The following LRIG1 variants were observed in gnomAD, a reference collection of about 807,000 sequenced individuals.
The protein encoded by LRIG1 is leucine-rich repeats and immunoglobulin-like domains protein 1.
A neutral mutation model predicts 99.2 loss-of-function variants in LRIG1; 48 were observed. The ratio of observed to expected loss-of-function variants is 0.48; its 90% confidence interval spans 0.38 to 0.62. LRIG1 has a LOEUF of 0.62. Among genes scored for constraint, LRIG1 ranks in the 20% least tolerant of loss-of-function variants. The pLI is 0.00. For synonymous variants in LRIG1, 772 were observed against 596.1 expected (o/e 1.29, Z -4.30); for missense variants, 1,646 against 1,434.4 (o/e 1.15, Z -2.38).
At chr3:66,426,553 T>C (rs895965189) in intron 3 of LRIG1, among the ~76,000 whole-genome samples, 5 of 152,210 alleles carry the variant, frequency 3.3e-5, no homozygotes, top group African/African-American at 1.2e-4. Flanking sequence ...AACTTTCCCA[T>C]TGTCCCTCCA....
At chr3:66,388,050 T>A (rs1265811547) in intron 12 of LRIG1, 1 of 126,606 alleles carries the variant, frequency 7.9e-6, no homozygotes, top group African/African-American at 3.1e-5. Context: ...GAGCTTGCAG[T>A]GAGCCAAGAT....
chr3:66,421,231 C>T (rs1452878780), intron 3 of LRIG1, among the ~76,000 whole-genome samples: 1 of 152,194 alleles, frequency 6.6e-6, no homozygotes, highest in Non-Finnish European at 1.5e-5. Context: ...CATTTCAAAA[C>T]CAATCATGCC....
chr3:66,485,954 G>C (rs1419390093), intron 1 of LRIG1, among the ~76,000 whole-genome samples: 1 of 152,234 alleles, frequency 6.6e-6, no homozygotes, highest in Non-Finnish European at 1.5e-5. Context: ...AGGGAGGCCA[G>C]AAAGAAGGCA....
Position 66,451,552 on chromosome 3 carries a change from C to T in LRIG1, c.365+7G>A. 2 of 1,613,932 alleles carry T rather than the reference C, an allele frequency of 1.2e-6. No homozygotes were observed. Among genetic ancestry groups the T allele is most frequent in the Non-Finnish European group, 1.7e-6 (2 of 1,179,918 alleles). On this transcript the variant is annotated splice_region_variant and intron_variant, in intron 3 of 18. Coordinates refer to ENST00000273261, the MANE Select transcript of LRIG1 (RefSeq NM_015541.3). ...CAGCCCAGAGTCCCCCAAACGGCACCACTTACAGAAAGAGAGAGACGACAT... is the reference window on the plus strand; with the variant it reads ...CAGCCCAGAGTCCCCCAAACGGCACTACTTACAGAAAGAGAGAGACGACAT...
At chr3:66,412,758 C>A in intron 6 of LRIG1, 113 bp downstream of exon 6, 1 of 1,287,848 alleles carries the variant, frequency 7.8e-7, no homozygotes, top group Non-Finnish European at 1.1e-6. Context: ...ACACACCCAA[C>A]ACACAGCAAC....
chr3:66,433,168 A>G (rs1270331330), intron 3 of LRIG1, among the ~76,000 whole-genome samples: 1 of 152,220 alleles, frequency 6.6e-6, no homozygotes, highest in Non-Finnish European at 1.5e-5. Context: ...TTGTTCGCTC[A>G]TTGCTTACCA....
At chr3:66,392,596 T>C (rs532765738) in intron 12 of LRIG1, among the ~76,000 whole-genome samples, 60 of 140,364 alleles carry the variant, frequency 4.3e-4, no homozygotes, top group African/African-American at 1.4e-3. Context: ...CACCTGACGT[T>C]TTTAGAGGGG....
In LRIG1 at chr3:66,383,982, T is replaced by C. The variant is rs748874692; in HGVS notation, c.2071+9A>G. 6.7e-5 allele frequency: 104 copies of C among 1,562,146 alleles called. 1 individual carries two copies. Among genetic ancestry groups the C allele is most frequent in the African/African-American group, 1.6e-4 (10 of 61,278 alleles). ...CACACACACACACACAGTAGAGCAATAGGCAAACCTAGGACAGTCAGGGTG... is the reference window on the plus strand; with the variant it reads ...CACACACACACACACAGTAGAGCAACAGGCAAACCTAGGACAGTCAGGGTG... On this transcript the variant is annotated intron_variant, in intron 14 of 18. Transcript: ENST00000273261.
chr3:66,498,989 C>T (rs1268057841), intron 1 of LRIG1, among the ~76,000 whole-genome samples: 1 of 152,192 alleles, frequency 6.6e-6, no homozygotes, highest in Non-Finnish European at 1.5e-5. Context: ...TTTAAAACAG[C>T]CATAGTCATG....
rs1349318576 is a variant in LRIG1, at chr3:66,382,360, A to G, written c.2530T>C (p.Ser844Pro). 1.9e-6 allele frequency: 3 copies of G among 1,614,196 alleles called. No homozygotes were observed. Among genetic ancestry groups the G allele is most frequent in the South Asian group, 1.1e-5 (1 of 91,088 alleles). Reference sequence around the variant, plus strand: ...CGGTCAGAAAGGGTCCCCTGAGAAGAGAGGTAGCTTGGAACATCTGGTGGC... The same window carrying G: ...CGGTCAGAAAGGGTCCCCTGAGAAGGGAGGTAGCTTGGAACATCTGGTGGC... The part of the protein sequence containing the change: ...VVPPDVPSYL[S>P]SQGTLSDRQE... Residue 844 changes from serine to proline, a missense_variant, in exon 16 of 19, where the codon TCT becomes CCT. Transcript: ENST00000273261.
At chr3:66,484,737 T>A (rs991587741) in intron 1 of LRIG1, among the ~76,000 whole-genome samples, 2 of 152,156 alleles carry the variant, frequency 1.3e-5, no homozygotes, top group African/African-American at 4.8e-5. Context: ...AATTTGCAAC[T>A]CTGCAAAGAC....
chr3:66,444,755 C>A (rs1178601134), intron 3 of LRIG1, among the ~76,000 whole-genome samples: 1 of 152,170 alleles, frequency 6.6e-6, no homozygotes, highest in East Asian at 1.9e-4. Context: ...AGGGAAAGGG[C>A]ATGAGGTTTT....
At chr3:66,433,532 T>C (rs1575687667) in intron 3 of LRIG1, among the ~76,000 whole-genome samples, 4 of 152,330 alleles carry the variant, frequency 2.6e-5, no homozygotes, top group Admixed American at 2.6e-4. Flanking sequence ...TAAGACAAGA[T>C]CCTCTCCTCC....
chr3:66,457,160 TGAA>T (rs1411248499), intron 2 of LRIG1, among the ~76,000 whole-genome samples: 1 of 152,148 alleles, frequency 6.6e-6, no homozygotes, highest in African/African-American at 2.4e-5. Flanking sequence ...GGCTCCAGAC[TGAA>T]GGCTCTATAA....
intron 3 of LRIG1, chr3:66,417,509 GC>G (rs1406972153): frequency 2.0e-6 from 1 of 489,472 alleles, no homozygotes; most frequent in Non-Finnish European, 3.7e-6. Flanking sequence ...CTCTCCAAGG[GC>G]AACAACACAG....
intron 8 of LRIG1, among the ~76,000 whole-genome samples, chr3:66,406,652 C>T (rs13064603): frequency 0.22 from 33,795 of 152,122 alleles, 3,935 homozygotes; most frequent in Admixed American, 0.28. Flanking sequence ...TTTATGCTGA[C>T]AGCTGCTTGG....
intron 2 of LRIG1, among the ~76,000 whole-genome samples, chr3:66,458,374 C>T (rs1176182995): frequency 6.6e-6 from 1 of 152,136 alleles, no homozygotes; most frequent in Non-Finnish European, 1.5e-5. Context: ...TGAGAAAATG[C>T]TTACAAAGAA....
chr3:66,477,697 C>T (rs1227621052), intron 1 of LRIG1, among the ~76,000 whole-genome samples: 1 of 152,152 alleles, frequency 6.6e-6, no homozygotes, highest in Non-Finnish European at 1.5e-5. Context: ...TCCTTTATCT[C>T]ACTTAAGTTC....
At chr3:66,439,018 A>G (rs1017774156) in intron 3 of LRIG1, among the ~76,000 whole-genome samples, 3 of 152,212 alleles carry the variant, frequency 2.0e-5, no homozygotes, top group African/African-American at 7.2e-5. Flanking sequence ...CTTACTTGGA[A>G]CCAAATAGTT....
Sources: allele counts gnomAD v4.1 joint callset (sites outside exome capture counted in the v4.1 genomes callset), GRCh38; gene constraint gnomAD v4.1.1; transcripts MANE v1.5; gene names NCBI Gene and HGNC (gene_info 2026-07-23, HGNC 2026-07-21).